The following SUPT7L variants were observed in gnomAD, a reference collection of about 807,000 sequenced individuals.
SUPT7L encodes the protein STAGA complex 65 subunit gamma.
A neutral mutation model predicts 35.7 loss-of-function variants in SUPT7L; 15 were observed. That is an observed-to-expected ratio of 0.42 (90% CI 0.28 to 0.65). The LOEUF (loss-of-function observed/expected upper bound fraction) is 0.65. Among genes scored for constraint, SUPT7L ranks in the 30% least tolerant of loss-of-function variants. The probability of loss-of-function intolerance (pLI) is 0.23; values close to 1 mark genes in which losing one functional copy is unlikely to be tolerated. For missense variants in SUPT7L, 434 were observed against 522.2 expected, an observed-to-expected ratio of 0.83 and a Z score of 1.65; for synonymous variants, 168 against 186.2, an observed-to-expected ratio of 0.90 and a Z score of 0.79.
At chr2:27,645,706 A>T in the SUPT7L span, among the ~76,000 whole-genome samples, 17 of 146,348 alleles carry the variant, frequency 1.2e-4, no homozygotes, top group African/African-American at 3.7e-4. Context: ...TTTCTTTTTA[A>T]TTTTTTTTTT....
intron 5 of SUPT7L, 93 bp from the exon 6 acceptor site, chr2:27,653,840 A>C: frequency 4.1e-6 from 6 of 1,449,860 alleles, no homozygotes; most frequent in Non-Finnish European, 5.7e-6. Context: ...ACCAACTAAT[A>C]TGCTTTGAGC....
At chr2:27,660,090 G>A (rs911280168) in intron 3 of SUPT7L, among the ~76,000 whole-genome samples, 26 of 152,156 alleles carry the variant, frequency 1.7e-4, no homozygotes, top group Admixed American at 1.7e-3. Context: ...TGGAGATCTT[G>A]TTATAATGCA....
chr2:27,663,016 G>C (rs181817321), intron 1 of SUPT7L, among the ~76,000 whole-genome samples: 3 of 142,686 alleles, frequency 2.1e-5, no homozygotes, highest in African/African-American at 7.8e-5. Flanking sequence ...TGGAACTCCT[G>C]GGCTCAAGCA....
At chr2:27,643,199 T>A in the SUPT7L span, among the ~76,000 whole-genome samples, 3 of 145,444 alleles carry the variant, frequency 2.1e-5, no homozygotes, top group African/African-American at 7.9e-5. The surrounding 1 kb of genome is among the most constrained non-coding windows in gnomAD (Gnocchi z 4.0). Flanking sequence ...TAAAAAAAAT[T>A]TTTTTTTTTT....
chr2:27,648,290 C>T (rs1674343040), downstream of SUPT7L, among the ~76,000 whole-genome samples: 1 of 152,044 alleles, frequency 6.6e-6, no homozygotes, highest in Admixed American at 6.5e-5. Flanking sequence ...GAGGCCAAGT[C>T]AGGAGGATTG....
chr2:27,662,295 G>T lies in SUPT7L; in HGVS notation c.-89-14C>A. ...GAGATCCTTGCCCTGAAGTGAGGAAGAGAAACAGAAGCAGAATATTTCAAT... is the reference window on the plus strand; with the variant it reads ...GAGATCCTTGCCCTGAAGTGAGGAATAGAAACAGAAGCAGAATATTTCAAT... On this transcript the variant is annotated splice_polypyrimidine_tract_variant and intron_variant, in intron 1 of 5. Transcript: ENST00000337768. 1 of 1,275,768 alleles carries T rather than the reference G, an allele frequency of 7.8e-7. No homozygotes were observed. The highest frequency in any genetic ancestry group is 1.1e-6 in the Non-Finnish European group (1 of 874,452). 79.0% of individuals were successfully genotyped at this position (1,275,768 alleles called of 1,614,324 possible). A position where few individuals can be genotyped will look rare whatever the true frequency, so the allele number is the denominator to read the frequency against.
chr2:27,650,248 C>A, downstream of SUPT7L: 3 of 1,095,014 alleles, frequency 2.7e-6, no homozygotes, highest in South Asian at 1.3e-5. Context: ...GAATTTTGGA[C>A]CTCCACGTGA....
intron 2 of SUPT7L, 62 bp downstream of exon 2, chr2:27,662,117 G>A (rs570092120): frequency 9.4e-5 from 152 of 1,613,198 alleles, no homozygotes; most frequent in East Asian, 1.1e-4. Context: ...ATTGCCTATT[G>A]GAAAAAGTCA....
chr2:27,647,058 T>TGTTA (rs10692160), downstream of SUPT7L, among the ~76,000 whole-genome samples: 12,927 of 152,230 alleles, frequency 0.085, 1,637 homozygotes, highest in African/African-American at 0.28. Flanking sequence ...GTTGCATAAT[T>TGTTA]GTTAGGCACA....
At position 27,653,402 on chromosome 2, in the gene SUPT7L, A is replaced by T; in HGVS notation, c.*83T>A. ...GTGTTTAAGAACAGGAGTCAAATCA[A>T]TTTTTAAGGAAACAGATTCTAATAC... On this transcript the variant is annotated 3_prime_UTR_variant, in exon 6 of 6. Transcript: ENST00000337768. The T allele has an allele frequency of 6.6e-7, 1 of 1,515,828 alleles. No homozygotes were observed. Among genetic ancestry groups the T allele is most frequent in the Non-Finnish European group, 8.8e-7 (1 of 1,137,242 alleles). The allele number at this position is 1,515,828 out of a possible 1,614,324, so 93.9% of individuals were successfully genotyped here.
chr2:27,661,592 G>C, intron 2 of SUPT7L: 1 of 1,414,866 alleles, frequency 7.1e-7, no homozygotes, highest in Middle Eastern at 2.6e-4. Flanking sequence ...TAGGACCAAA[G>C]GTGTTCTCCC....
chr2:27,655,771 A>T (rs1674775503), intron 4 of SUPT7L, among the ~76,000 whole-genome samples, 169 bp from the exon 5 acceptor site: 1 of 152,236 alleles, frequency 6.6e-6, no homozygotes, highest in Admixed American at 6.5e-5. Flanking sequence ...TTTATGAGTG[A>T]TAGAGATATG....
intron 1 of SUPT7L, among the ~76,000 whole-genome samples, chr2:27,662,509 C>A (rs945627828): frequency 1.3e-5 from 2 of 152,170 alleles, no homozygotes; most frequent in African/African-American, 4.8e-5. Context: ...GCTCTGCCAA[C>A]CTTGCACATC....
chr2:27,656,569 C>A (rs1193361355), intron 4 of SUPT7L, among the ~76,000 whole-genome samples: 1 of 151,172 alleles, frequency 6.6e-6, no homozygotes, highest in African/African-American at 2.4e-5. Context: ...TATTACAATT[C>A]CAGTCAAACC....
downstream of SUPT7L, among the ~76,000 whole-genome samples, chr2:27,646,104 C>T (rs1019117991): frequency 6.6e-5 from 10 of 150,384 alleles, no homozygotes; most frequent in Non-Finnish European, 1.5e-4. Context: ...TGCAATGGCG[C>T]GATCTCGGCT....
chr2:27,644,743 T>A, the SUPT7L span, among the ~76,000 whole-genome samples: 6 of 149,024 alleles, frequency 4.0e-5, no homozygotes, highest in African/African-American at 7.4e-5. Flanking sequence ...TTTTTTTTTT[T>A]ACAGATGAGG....
chr2:27,657,652 A>G lies in SUPT7L; in HGVS notation c.437T>C (p.Val146Ala). 3.7e-6 allele frequency: 6 copies of G among 1,612,654 alleles called. No homozygotes were observed. Among genetic ancestry groups the G allele is most frequent in the Non-Finnish European group, 5.1e-6 (6 of 1,178,962 alleles). Residue 146 changes from valine to alanine, a missense_variant, in exon 4 of 6, where the codon GTG (valine) becomes GCG (alanine). Val to Ala is a moderately conservative substitution (Grantham distance 64). Transcript: ENST00000337768. The surrounding 1 kb of genome is among the most constrained non-coding windows in gnomAD (Gnocchi z 5.2). The stretch of plus-strand genomic sequence containing the variant: ...ACAGGAGTGCCAGCTGAGTTCAGTC[A>G]CAGGTTCCCCTTTCCCACTGAAAGT... ...SDFYRGKGEPVTELSWHSCRQ... is the reference protein window; with the variant it reads ...SDFYRGKGEPATELSWHSCRQ...
At chr2:27,646,125 T>A (rs1323581212), downstream of SUPT7L, among the ~76,000 whole-genome samples, 2 of 152,216 alleles carry the variant, frequency 1.3e-5, no homozygotes, top group Non-Finnish European at 2.9e-5. Flanking sequence ...CACTGCAACC[T>A]CCGCCTCCCG....
In SUPT7L at chr2:27,662,219, A is replaced by C. The variant is rs775426044; in HGVS notation, c.-27T>G. 2.5e-6 allele frequency: 4 copies of C among 1,613,666 alleles called. No individual in the cohort carries two copies. Among genetic ancestry groups the C allele is most frequent in the Middle Eastern group, 1.6e-4 (1 of 6,062 alleles). ...GTCCATATGTCTCTTCAAGTTCAAC[A>C]AACATTTATCAAATGCCAGGCATTC... On this transcript the variant is annotated 5_prime_UTR_variant, in exon 2 of 6. Coordinates refer to ENST00000337768, the MANE Select transcript of SUPT7L (RefSeq NM_014860.3).
Sources: allele counts gnomAD v4.1 joint callset (sites outside exome capture counted in the v4.1 genomes callset), GRCh38; gene constraint gnomAD v4.1.1; non-coding constraint Gnocchi (gnomAD v3.1); transcripts MANE v1.5; gene names NCBI Gene and HGNC (gene_info 2026-07-23, HGNC 2026-07-21).